Variants in LAMC2 observed in about 807,000 individuals in gnomAD.
LAMC2 encodes the protein laminin subunit gamma-2.
Under a neutral mutation model 140.2 loss-of-function variants are expected in LAMC2, and 97 were observed. The ratio of observed to expected loss-of-function variants is 0.69; its 90% confidence interval spans 0.59 to 0.82. The LOEUF (loss-of-function observed/expected upper bound fraction) is 0.82. Ranked by LOEUF, LAMC2 falls within the 40% of genes least tolerant of loss-of-function variation. LAMC2 has a pLI of 0.00. For missense variants in LAMC2, 1,402 were observed against 1,476.1 expected (o/e 0.95, Z 0.82); for synonymous variants, 513 against 540.2 (o/e 0.95, Z 0.70).
chr1:183,232,629 T>C (rs773333107), intron 13 of LAMC2, 23 bp from the exon 14 acceptor site: 1 of 1,599,258 alleles, frequency 6.3e-7, no homozygotes. Flanking sequence ...GTGCTCATGC[T>C]CCCTTTCCTT....
At position 183,220,939 on chromosome 1, in the gene LAMC2, G is replaced by A; in HGVS notation, c.618G>A (p.Lys206=). 1 of 1,614,164 alleles carries A rather than the reference G, an allele frequency of 6.2e-7. No individual in the cohort carries two copies. The change falls in exon 5 of 23, where the codon AAG becomes AAA. Residue 206 remains lysine, a synonymous_variant. Transcript: ENST00000264144. The part of the protein sequence containing the change: ...CRSSAEYSVH[K]ITSTFHQDVD... ...GCTCTGCAGAATACAGTGTCCATAA[G>A]ATCACCTCTACCTTTCATCAAGGTA...
rs201843893 is a variant in LAMC2 at position 183,197,675 on chromosome 1, CA to C, written c.80-10191del. ...TGGGCGACAGAGCGAGACTCCGTCTCAAAAAAAAAAAAAAAGTAAAAGTAAT... is the reference window on the plus strand; with the variant it reads ...TGGGCGACAGAGCGAGACTCCGTCTCAAAAAAAAAAAAAAGTAAAAGTAAT... On this transcript the variant is annotated intron_variant, in intron 1 of 22. Transcript: ENST00000264144. Among the ~76,000 whole-genome samples the C allele has an allele frequency of 8.7e-3, 1,074 of 123,662 alleles. 8 individuals carry two copies. Among genetic ancestry groups the C allele is most frequent in the African/African-American group, 0.027 (894 of 32,700 alleles). 81.1% of individuals were successfully genotyped at this position (123,662 alleles called of 152,430 possible).
chr1:183,232,876 A>G lies in LAMC2; in HGVS notation c.2220+19A>G. The G allele has an allele frequency of 6.2e-7, 1 of 1,611,846 alleles. No individual in the cohort carries two copies. The highest frequency in any genetic ancestry group is 8.5e-7 in the Non-Finnish European group (1 of 1,178,010). On this transcript the variant is annotated intron_variant, in intron 14 of 22. Transcript: ENST00000264144. ...AAACACTGTAGGTTTTTGCTGGGCTAGAGTATTGAGAATACTGCTGTGTTG... is the reference window on the plus strand; with the variant it reads ...AAACACTGTAGGTTTTTGCTGGGCTGGAGTATTGAGAATACTGCTGTGTTG...
At chr1:183,235,234 A>G (rs1456718776) in intron 15 of LAMC2, among the ~76,000 whole-genome samples, 1 of 152,164 alleles carries the variant, frequency 6.6e-6, no homozygotes, top group Non-Finnish European at 1.5e-5. Context: ...CCTGGGTGAA[A>G]TAAGACCTAG....
At chr1:183,208,928 C>T (rs1376912745) in intron 2 of LAMC2, among the ~76,000 whole-genome samples, 2 of 151,486 alleles carry the variant, frequency 1.3e-5, no homozygotes, top group Non-Finnish European at 2.9e-5. Flanking sequence ...ATCCACTTGC[C>T]TCAGCCTCCC....
rs772516809 is a variant in LAMC2, at chr1:183,220,967, G to A, written c.640+6G>A. 1 of 1,613,978 alleles carries A rather than the reference G, an allele frequency of 6.2e-7. No homozygotes were observed. The highest frequency in any genetic ancestry group is 1.7e-5 in the Admixed American group (1 of 60,014). ...CACCTCTACCTTTCATCAAGGTAAA[G>A]CCTTCTATTTTCTAGGTTTTAGTTT... On this transcript the variant is annotated splice_donor_region_variant and intron_variant, in intron 5 of 22. Transcript: ENST00000264144.
Position 183,234,438 on chromosome 1 carries a change from A to G in LAMC2, c.2292A>G (p.Leu764=). 3 of 1,613,878 alleles carry G rather than the reference A, an allele frequency of 1.9e-6. No homozygotes were observed. The highest frequency in any genetic ancestry group is 2.5e-6 in the Non-Finnish European group (3 of 1,179,752). The part of the protein sequence containing the change: ...FKSLAQEATR[L]AESHVESASN... ...GTCTGGCTCAGGAGGCCACAAGATTAGCAGAAAGGTGAGCAGCATTAGAGG... is the reference window on the plus strand; with the variant it reads ...GTCTGGCTCAGGAGGCCACAAGATTGGCAGAAAGGTGAGCAGCATTAGAGG... Residue 764 remains leucine (L), a synonymous_variant, in exon 15 of 23, where the codon TTA becomes TTG. Transcript: ENST00000264144.
the LAMC2 span, chr1:183,252,834 T>G: frequency 3.3e-6 from 3 of 910,724 alleles, no homozygotes; most frequent in Non-Finnish European, 5.4e-6. Flanking sequence ...GCACCCCATT[T>G]GTAGCCTTTT....
intron 18 of LAMC2, among the ~76,000 whole-genome samples, chr1:183,238,034 G>T (rs1244801046): frequency 6.6e-6 from 1 of 152,184 alleles, no homozygotes; most frequent in Non-Finnish European, 1.5e-5. Flanking sequence ...GTCTAGCTCA[G>T]TCTACTACTT....
chr1:183,215,244 T>C lies in LAMC2; in HGVS notation c.269-209T>C, dbSNP rs375022818. Among the ~76,000 whole-genome samples the C allele has an allele frequency of 1.9e-4, 29 of 152,298 alleles. No individual in the cohort carries two copies. In the East Asian group the frequency reaches 3.3e-3, roughly 17 times the overall value. On this transcript the variant is annotated intron_variant, in intron 2 of 22. Coordinates refer to ENST00000264144, the MANE Select transcript of LAMC2 (RefSeq NM_005562.3). ...CAAAGACAAATGCTTTTATGAGTAA[T>C]TTAATTCCTCTCCCTGAGGAAGACA...
rs560746160 is a variant in LAMC2 at position 183,208,198 on chromosome 1, C to T, written c.268+129C>T. ...AAAGAAAGAAAACAGGGAAAGCAAGCAGGCCAAGAGGGAGATGTTCAACCT... is the reference window on the plus strand; with the variant it reads ...AAAGAAAGAAAACAGGGAAAGCAAGTAGGCCAAGAGGGAGATGTTCAACCT... On this transcript the variant is annotated intron_variant, in intron 2 of 22. Coordinates refer to ENST00000264144, the MANE Select transcript of LAMC2 (RefSeq NM_005562.3). The T allele has an allele frequency of 6.0e-5, 55 of 917,134 alleles. 1 individual carries two copies. The South Asian group carries it at 7.2e-4, about 12-fold the overall frequency. 56.8% of individuals were successfully genotyped at this position (917,134 alleles called of 1,614,324 possible). A position where few individuals can be genotyped will look rare whatever the true frequency, so the allele number is the denominator to read the frequency against.
chr1:183,227,488 G>A, intron 9 of LAMC2, 27 bp from the exon 10 acceptor site: 3 of 1,599,312 alleles, frequency 1.9e-6, no homozygotes, highest in Non-Finnish European at 2.6e-6. Context: ...TCACTTCTCT[G>A]CCCCTCCACT....
At chr1:183,236,894 T>A (rs1659978904) in intron 17 of LAMC2, among the ~76,000 whole-genome samples, 1 of 152,182 alleles carries the variant, frequency 6.6e-6, no homozygotes, top group East Asian at 1.9e-4. Context: ...TTTTATAAAG[T>A]TTTTTTGTTT....
rs141111344 is a variant in LAMC2 at position 183,215,568 on chromosome 1, C to T, written c.384C>T (p.Cys128=). ...PGFHMLTDAG[C]TQDQRLLDSK... The stretch of plus-strand genomic sequence containing the variant: ...TCCACATGCTCACGGATGCGGGGTG[C>T]ACCCAAGACCAGAGACTGCTGTGAG... The change falls in exon 3 of 23, where the codon TGC becomes TGT. Residue 128 remains cysteine (C), a synonymous_variant. Transcript: ENST00000264144. 4 of 1,614,066 alleles carry T rather than the reference C, an allele frequency of 2.5e-6. No homozygotes were observed. The African/African-American group carries it at 5.3e-5, about 22-fold the overall frequency.
chr1:183,252,542 A>G, the LAMC2 span: 3 of 894,354 alleles, frequency 3.4e-6, no homozygotes, highest in African/African-American at 3.3e-5. Context: ...AGTAGGGAAA[A>G]CAGTCAAGAC....
intron 8 of LAMC2, among the ~76,000 whole-genome samples, chr1:183,226,383 A>G (rs1659626944): frequency 6.6e-6 from 1 of 152,096 alleles, no homozygotes; most frequent in African/African-American, 2.4e-5. Context: ...AATTTTCACA[A>G]CGGACATAAG....
In LAMC2 at chr1:183,227,579, C is replaced by A. The variant is rs201308300; in HGVS notation, c.1350C>A (p.Tyr450Ter). 64 of 1,614,084 alleles carry A rather than the reference C, an allele frequency of 4.0e-5. No individual in the cohort carries two copies. The highest frequency in any genetic ancestry group is 5.4e-5 in the Non-Finnish European group (64 of 1,180,012). ...IECADCPIGF[Y>*]NDPHDPRSCK... ...GTGCTGACTGCCCAATTGGTTTCTA[C>A]AACGATCCGCACGACCCCCGCAGCT... Residue 450 changes from tyrosine (Y) to a stop codon, truncating the protein, a stop_gained, in exon 10 of 23, where the codon TAC becomes TAA. Transcript: ENST00000264144. LOFTEE classifies it high-confidence loss of function.
chr1:183,211,291 C>T (rs1659061325), intron 2 of LAMC2, among the ~76,000 whole-genome samples: 1 of 149,432 alleles, frequency 6.7e-6, no homozygotes, highest in South Asian at 2.1e-4. Flanking sequence ...TTTTTCCTCC[C>T]ATGACAGCTA....
In LAMC2 at chr1:183,240,134, A is replaced by G. The variant is rs1297576763; in HGVS notation, c.3164A>G (p.Glu1055Gly). ...GLASLKSEMR[E>G]VEGELERKEL... The stretch of plus-strand genomic sequence containing the variant: ...GCCTCTCTGAAGAGTGAGATGAGGG[A>G]AGTGGAAGGAGAGCTGGAAAGGAAG... The change falls in exon 21 of 23, where the codon GAA becomes GGA. Residue 1055 changes from glutamate (E) to glycine (G), a missense_variant. By Grantham distance (98) the Glu-to-Gly change is moderately conservative. Around this residue, in one of 3 missense-constraint regions of LAMC2, gnomAD observed 670 missense variants for 667.2 expected, o/e 1.00. Coordinates refer to ENST00000264144, the MANE Select transcript of LAMC2 (RefSeq NM_005562.3). 1 of 1,614,168 alleles carries G rather than the reference A, an allele frequency of 6.2e-7. No homozygotes were observed. The highest frequency in any genetic ancestry group is 1.3e-5 in the African/African-American group (1 of 75,038).
Sources: allele counts gnomAD v4.1 joint callset (sites outside exome capture counted in the v4.1 genomes callset), GRCh38; gene constraint gnomAD v4.1.1; regional missense constraint gnomAD v4.1.1; transcripts MANE v1.5; gene names NCBI Gene and HGNC (gene_info 2026-07-23, HGNC 2026-07-21).